The following BTBD9 variants were observed in gnomAD, a reference collection of about 807,000 sequenced individuals.
The protein encoded by BTBD9 is BTB/POZ domain-containing protein 9.
BTBD9 carries 49 observed loss-of-function variants against 64.3 expected under a neutral mutation model. The ratio of observed to expected loss-of-function variants is 0.76; its 90% CI spans 0.61 to 0.97. The LOEUF is 0.97. Ranked by LOEUF, BTBD9 falls within the 50% of genes least tolerant of loss-of-function variation. The pLI, the probability that BTBD9 is intolerant of heterozygous loss-of-function variation, is 0.00. For synonymous variants in BTBD9, 260 were observed against 274.7 expected, an observed-to-expected ratio of 0.95 and a Z score of 0.53; for missense variants, 598 against 762.1, an observed-to-expected ratio of 0.78 and a Z score of 2.53.
At chr6:38,444,867 A>AG (rs1243318266) in intron 6 of BTBD9, among the ~76,000 whole-genome samples, 1 of 152,242 alleles carries the variant, frequency 6.6e-6, no homozygotes, top group Non-Finnish European at 1.5e-5. Flanking sequence ...ACTAACTAAA[A>AG]GAAGATTTAT....
rs35699356 is a variant in BTBD9, at chr6:38,439,110, C to CTTTTT, written c.1155-94022_1155-94018dup. On this transcript the variant is annotated intron_variant, in intron 6 of 10. Transcript: ENST00000481247. Reference sequence around the variant, plus strand: ...TCTTGTAGGCTCGTGTAGCAACTGACTTTTTTTTTTTTTTTTTTTTTTTTG... The same window carrying CTTTTT: ...TCTTGTAGGCTCGTGTAGCAACTGACTTTTTTTTTTTTTTTTTTTTTTTTTTTTTG... 3.9e-3 allele frequency among the ~76,000 whole-genome samples: 249 copies of CTTTTT among 64,018 alleles called. 10 individuals are homozygous for CTTTTT. The highest frequency in any genetic ancestry group is 0.015 in the African/African-American group (213 of 14,574). 42.0% of individuals were successfully genotyped at this position (64,018 alleles called of 152,430 possible).
intron 6 of BTBD9, among the ~76,000 whole-genome samples, chr6:38,526,470 T>C (rs983537264): frequency 6.6e-6 from 1 of 152,190 alleles, no homozygotes; most frequent in African/African-American, 2.4e-5. Context: ...CCCCCCTACA[T>C]GGAGTCCCCA....
At chr6:38,242,335 T>C (rs1182348607) in intron 9 of BTBD9, among the ~76,000 whole-genome samples, 2 of 152,170 alleles carry the variant, frequency 1.3e-5, no homozygotes, top group Non-Finnish European at 2.9e-5. Flanking sequence ...AGTACTTACA[T>C]ATCTGATTTT....
intron 9 of BTBD9, among the ~76,000 whole-genome samples, chr6:38,193,640 A>T (rs1225916868): frequency 6.6e-6 from 1 of 152,152 alleles, no homozygotes; most frequent in African/African-American, 2.4e-5. Flanking sequence ...AGTGCATGGC[A>T]CCCACGACTG....
At position 38,262,179 on chromosome 6, in the gene BTBD9, G is replaced by A. The variant is rs962392617; in HGVS notation, c.1455-5663C>T. On this transcript the variant is annotated intron_variant, in intron 8 of 10. Transcript: ENST00000481247. ...GTAAACTAGCTGGGAATGTTTGCATGGTGAGCTCATCCAGGACAGACACTC... is the reference window on the plus strand; with the variant it reads ...GTAAACTAGCTGGGAATGTTTGCATAGTGAGCTCATCCAGGACAGACACTC... Among the ~76,000 whole-genome samples, 8 of 152,178 alleles carry A rather than the reference G, an allele frequency of 5.3e-5. No individual in the cohort carries two copies. The South Asian group carries it at 6.2e-4, about 12-fold the overall frequency.
At chr6:38,176,421 ACT>A (rs1394188288) in intron 10 of BTBD9, among the ~76,000 whole-genome samples, 3 of 151,716 alleles carry the variant, frequency 2.0e-5, no homozygotes, top group Non-Finnish European at 4.4e-5. Flanking sequence ...TGGTGTGTCC[ACT>A]CTGTTTTGGG....
At chr6:38,483,872 T>G (rs1276673416) in intron 6 of BTBD9, among the ~76,000 whole-genome samples, 1 of 152,182 alleles carries the variant, frequency 6.6e-6, no homozygotes, top group Non-Finnish European at 1.5e-5. Context: ...AAGTGCTCCT[T>G]CCCCAAACTC....
chr6:38,420,981 A>C (rs1767877468), intron 6 of BTBD9, among the ~76,000 whole-genome samples: 1 of 152,242 alleles, frequency 6.6e-6, no homozygotes, highest in South Asian at 2.1e-4. Context: ...AAATACAGTA[A>C]AAAAAGTTAC....
At chr6:38,250,582 C>T (rs2127531050) in intron 9 of BTBD9, among the ~76,000 whole-genome samples, 1 of 152,066 alleles carries the variant, frequency 6.6e-6, no homozygotes, top group South Asian at 2.1e-4. Flanking sequence ...TTTTCAGGAT[C>T]AATTTATAGT....
intron 1 of BTBD9, among the ~76,000 whole-genome samples, chr6:38,625,065 G>T (rs754860083): frequency 1.3e-5 from 2 of 152,054 alleles, no homozygotes; most frequent in African/African-American, 2.4e-5. Flanking sequence ...AGTACTCACT[G>T]GGTACATGAC....
intron 9 of BTBD9, among the ~76,000 whole-genome samples, chr6:38,255,286 G>T (rs1456157411): frequency 6.6e-6 from 1 of 152,180 alleles, no homozygotes; most frequent in Non-Finnish European, 1.5e-5. Context: ...GGGAGTGACT[G>T]CTAATGGGGA....
intron 9 of BTBD9, among the ~76,000 whole-genome samples, chr6:38,238,771 C>T (rs1232010129): frequency 6.6e-6 from 1 of 152,108 alleles, no homozygotes; most frequent in Non-Finnish European, 1.5e-5. Context: ...CCGCGCCTGG[C>T]CGAGACCAAT....
intron 4 of BTBD9, among the ~76,000 whole-genome samples, chr6:38,586,045 A>G (rs931816334): frequency 6.6e-6 from 1 of 152,018 alleles, no homozygotes; most frequent in Non-Finnish European, 1.5e-5. Context: ...TTTTTATTCA[A>G]TAAAGATATC....
chr6:38,584,844 G>C (rs1461660315), intron 4 of BTBD9, among the ~76,000 whole-genome samples: 1 of 151,882 alleles, frequency 6.6e-6, no homozygotes, highest in African/African-American at 2.4e-5. Flanking sequence ...CTCTCTGCAG[G>C]CCTCCTTTCC....
chr6:38,487,111 C>T (rs911568665), intron 6 of BTBD9, among the ~76,000 whole-genome samples: 1 of 152,134 alleles, frequency 6.6e-6, no homozygotes, highest in African/African-American at 2.4e-5. Context: ...GCACAAAGGA[C>T]ACAATATAAA....
At chr6:38,351,508 T>TTTTG (rs1302194111) in intron 6 of BTBD9, among the ~76,000 whole-genome samples, 9 of 79,622 alleles carry the variant, frequency 1.1e-4, no homozygotes, top group Non-Finnish European at 1.7e-4. Flanking sequence ...ATTGTTGTTG[T>TTTTG]TTTTTTTTTT....
At chr6:38,587,841 T>C in intron 4 of BTBD9, 2 of 715,892 alleles carry the variant, frequency 2.8e-6, no homozygotes, top group Admixed American at 1.8e-5. Flanking sequence ...CTTTTGACCC[T>C]TTTAAAAAAC....
intron 6 of BTBD9, among the ~76,000 whole-genome samples, chr6:38,414,115 C>T (rs1767559620): frequency 6.6e-6 from 1 of 152,150 alleles, no homozygotes; most frequent in South Asian, 2.1e-4. Flanking sequence ...ATTACCTTAT[C>T]TTTATGTTTG....
chr6:38,576,782 C>G (rs184830801), intron 6 of BTBD9, among the ~76,000 whole-genome samples: 245 of 152,188 alleles, frequency 1.6e-3, no homozygotes, highest in Middle Eastern at 3.4e-3. Context: ...TATCTAAAGG[C>G]AATTTCCAGT....
Sources: allele counts gnomAD v4.1 joint callset (sites outside exome capture counted in the v4.1 genomes callset), GRCh38; gene constraint gnomAD v4.1.1; transcripts MANE v1.5; gene names NCBI Gene and HGNC (gene_info 2026-07-23, HGNC 2026-07-21).